The following RNF6 variants were observed in gnomAD, a reference collection of about 807,000 sequenced individuals.
RNF6 encodes E3 ubiquitin-protein ligase RNF6.
Under a neutral mutation model 50.1 loss-of-function variants are expected in RNF6, and 21 were observed. The observed-to-expected ratio is 0.42, with a 90% confidence interval of 0.30 to 0.60. RNF6 has a LOEUF of 0.60. Ranked by LOEUF, RNF6 falls within the 20% of genes least tolerant of loss-of-function variation. The pLI is 0.20. For missense variants in RNF6, 698 were observed against 838.2 expected (o/e 0.83, Z 2.07); for synonymous variants, 255 against 291.8 (o/e 0.87, Z 1.29).
Position 26,215,414 on chromosome 13 carries a change from A to G in RNF6, c.468T>C (p.Asn156=). Reference sequence around the variant, plus strand: ...GAATTTCAAATCCTCTATTTTCATGATTTACGTGGATTTCCAAACTAAACC... The same window carrying G: ...GAATTTCAAATCCTCTATTTTCATGGTTTACGTGGATTTCCAAACTAAACC... ...EFRFSLEIHV[N]HENRGFEIHG... Residue 156 remains asparagine (N), a synonymous_variant, in exon 5 of 5, where the codon AAT becomes AAC. Coordinates refer to ENST00000381588, the MANE Select transcript of RNF6 (RefSeq NM_005977.4). 6.2e-7 allele frequency: 1 copy of G among 1,614,114 alleles called. No individual in the cohort carries two copies. The highest frequency in any genetic ancestry group is 8.5e-7 in the Non-Finnish European group (1 of 1,180,024).
In RNF6 at chr13:26,193,121, CA is replaced by C. The variant is rs534308623; in HGVS notation, n.768+22352del. On this transcript the variant is annotated intron_variant and non_coding_transcript_variant, in intron 5 of 5. Coordinates refer to the RNF6 transcript ENST00000468480. ...ATACTAAGTTTGGGTGCCTATTATA[CA>C]CCCAAGATAAGATACCAGTAAGCAG... Among the ~76,000 whole-genome samples, 184 of 152,270 alleles carry C rather than the reference CA, an allele frequency of 1.2e-3. 1 individual carries two copies. The highest frequency in any genetic ancestry group is 4.1e-3 in the African/African-American group (170 of 41,538).
intron 5 of RNF6, among the ~76,000 whole-genome samples, chr13:26,151,299 G>A (rs1193434060): frequency 6.7e-6 from 1 of 149,436 alleles, no homozygotes. Context: ...ATTTCATTCC[G>A]TTGCCCAGGC....
rs959946146 is a variant in RNF6, at chr13:26,207,056, C to T, written n.768+8418G>A. Among the ~76,000 whole-genome samples the T allele has an allele frequency of 2.0e-5, 3 of 151,976 alleles. No individual in the cohort carries two copies. In the East Asian group the frequency reaches 5.8e-4, roughly 29 times the overall value. On this transcript the variant is annotated intron_variant and non_coding_transcript_variant, in intron 5 of 5. Transcript: ENST00000468480. ...CATGGGACCTTGAAAGTATCCTAGA[C>T]CCTCAGTAGGCATTGGGCCTACTGA...
At chr13:26,152,090 C>T (rs1871639274) in intron 5 of RNF6, among the ~76,000 whole-genome samples, 1 of 152,216 alleles carries the variant, frequency 6.6e-6, no homozygotes, top group Non-Finnish European at 1.5e-5. Flanking sequence ...TGCTTTTCCA[C>T]TCTATCCTAT....
chr13:26,198,201 T>A (rs1417620568), intron 5 of RNF6, among the ~76,000 whole-genome samples: 1 of 151,460 alleles, frequency 6.6e-6, no homozygotes, highest in Non-Finnish European at 1.5e-5. Context: ...GCCCATATGA[T>A]TGTGAAGTTT....
At chr13:26,217,799 CT>C (rs1429965876) in intron 4 of RNF6, among the ~76,000 whole-genome samples, 1 of 152,196 alleles carries the variant, frequency 6.6e-6, no homozygotes, top group Non-Finnish European at 1.5e-5. Flanking sequence ...AGCTACTGTA[CT>C]GAACAGCACA....
chr13:26,220,625 C>T (rs1404693182), intron 2 of RNF6, among the ~76,000 whole-genome samples: 1 of 152,138 alleles, frequency 6.6e-6, no homozygotes, highest in Non-Finnish European at 1.5e-5. Flanking sequence ...ATCCCCAATC[C>T]TTGATTAGAG....
chr13:26,169,329 GT>G (rs1872583032), intron 5 of RNF6, among the ~76,000 whole-genome samples: 1 of 152,144 alleles, frequency 6.6e-6, no homozygotes, highest in Non-Finnish European at 1.5e-5. Context: ...AGGGCAAGGA[GT>G]AGGGAAAGAC....
At chr13:26,171,226 A>G (rs1424722525) in intron 5 of RNF6, among the ~76,000 whole-genome samples, 1 of 152,236 alleles carries the variant, frequency 6.6e-6, no homozygotes, top group African/African-American at 2.4e-5. Flanking sequence ...AAAATGGGGA[A>G]ACGACTTGAA....
intron 5 of RNF6, among the ~76,000 whole-genome samples, chr13:26,139,127 C>T (rs1870800451): frequency 6.6e-6 from 1 of 152,118 alleles, no homozygotes; most frequent in South Asian, 2.1e-4. Flanking sequence ...TAGCAAAGGA[C>T]TCTGATGGGG....
intron 5 of RNF6, among the ~76,000 whole-genome samples, chr13:26,198,379 A>C (rs1790036859): frequency 6.6e-6 from 1 of 151,926 alleles, no homozygotes; most frequent in South Asian, 2.1e-4. Context: ...TATGGAAAGG[A>C]ATCTGCTTTA....
At chr13:26,217,039 A>G (rs1267256872) in intron 4 of RNF6, among the ~76,000 whole-genome samples, 1 of 152,194 alleles carries the variant, frequency 6.6e-6, no homozygotes, top group Non-Finnish European at 1.5e-5. Flanking sequence ...CTCTCGTAAG[A>G]CTTTTTTAAA....
At chr13:26,210,811 T>C (rs1869291538), downstream of RNF6, among the ~76,000 whole-genome samples, 1 of 152,112 alleles carries the variant, frequency 6.6e-6, no homozygotes, top group Non-Finnish European at 1.5e-5. Context: ...ATGTTAAATA[T>C]TGAAAGGAAA....
intron 5 of RNF6, among the ~76,000 whole-genome samples, chr13:26,199,985 C>T (rs1367981697): frequency 6.6e-6 from 1 of 152,176 alleles, no homozygotes; most frequent in Non-Finnish European, 1.5e-5. Flanking sequence ...CCCTTCCACC[C>T]TGTGGAAGAA....
At chr13:26,222,331 G>A (rs1422675410), upstream of RNF6, 1 of 152,256 alleles carries the variant, frequency 6.6e-6, no homozygotes, top group Non-Finnish European at 1.5e-5. Context: ...TGCGTCCGTC[G>A]GGAGCTAGGG....
intron 5 of RNF6, among the ~76,000 whole-genome samples, chr13:26,185,961 A>C (rs1206428491): frequency 6.6e-6 from 1 of 152,190 alleles, no homozygotes; most frequent in African/African-American, 2.4e-5. Flanking sequence ...ATACAGTAAG[A>C]GGCAAAAGAG....
Position 26,206,869 on chromosome 13 carries a change from C to T in RNF6, n.768+8605G>A, listed in dbSNP as rs9512153. On this transcript the variant is annotated intron_variant and non_coding_transcript_variant, in intron 5 of 5. Transcript: ENST00000468480. ...GGAACTGAGCAGGTCCACATTATGA[C>T]TCTCATGGGCCCTCGACACTTTTCC... Among the ~76,000 whole-genome samples the T allele has an allele frequency of 6.7e-3, 1,012 of 152,002 alleles. 8 individuals carry two copies. The highest frequency in any genetic ancestry group is 0.011 in the Non-Finnish European group (744 of 67,994).
At chr13:26,205,527 C>T (rs1869072743) in intron 5 of RNF6, among the ~76,000 whole-genome samples, 1 of 152,182 alleles carries the variant, frequency 6.6e-6, no homozygotes, top group Non-Finnish European at 1.5e-5. Context: ...GTTCCTCTCT[C>T]AGCATACTCC....
At chr13:26,215,715 T>C (rs1869810454) in intron 4 of RNF6, 123 bp from the exon 5 acceptor site, 1 of 843,526 alleles carries the variant, frequency 1.2e-6, no homozygotes, top group Non-Finnish European at 1.7e-6. Flanking sequence ...TTTTAATGAA[T>C]GAAAGATGGC....
Sources: allele counts gnomAD v4.1 joint callset (sites outside exome capture counted in the v4.1 genomes callset), GRCh38; gene constraint gnomAD v4.1.1; transcripts MANE v1.5; gene names NCBI Gene and HGNC (gene_info 2026-07-23, HGNC 2026-07-21).